UGT2B11: variants seen among roughly 807,000 people sequenced by gnomAD.
UGT2B11 encodes the protein UDP glucuronosyltransferase family 2 member B11, also known as UDP-glucuronosyltransferase 2B11.
A neutral mutation model predicts 51.7 loss-of-function variants in UGT2B11; 49 were observed. The observed-to-expected ratio is 0.95, with a 90% CI of 0.75 to 1.20. The LOEUF (loss-of-function observed/expected upper bound fraction) is 1.20, where lower values mean the gene tolerates loss of function less well. UGT2B11 is among the 50% of genes most tolerant of loss of function. The pLI is 0.00. For missense variants in UGT2B11, 810 were observed against 622.1 expected, an observed-to-expected ratio of 1.30 and a Z score of -3.21; for synonymous variants, 273 against 209.0, an observed-to-expected ratio of 1.31 and a Z score of -2.64.
At chr4:69,210,623 C>G (rs1442012571) in intron 2 of UGT2B11, among the ~76,000 whole-genome samples, 2 of 151,506 alleles carry the variant, frequency 1.3e-5, no homozygotes, top group Non-Finnish European at 3.0e-5. Flanking sequence ...TCTTCCTCCT[C>G]CAATTTGCAC....
intron 2 of UGT2B11, among the ~76,000 whole-genome samples, chr4:69,211,895 T>C (rs1454906264): frequency 6.6e-6 from 1 of 151,598 alleles, no homozygotes; most frequent in Non-Finnish European, 1.5e-5. Context: ...TACTAATATG[T>C]ATCCGGCTCT....
chr4:69,218,059 T>C (rs867717799), upstream of UGT2B11, among the ~76,000 whole-genome samples: 1 of 152,184 alleles, frequency 6.6e-6, no homozygotes, highest in African/African-American at 2.4e-5. Flanking sequence ...CATATTAATC[T>C]TTGGAGCACT....
chr4:69,218,363 A>G (rs1160939760), upstream of UGT2B11, among the ~76,000 whole-genome samples: 1 of 152,134 alleles, frequency 6.6e-6, no homozygotes, highest in Non-Finnish European at 1.5e-5. Context: ...AGACCCTGGA[A>G]TGTGATAATT....
chr4:69,211,836 T>A (rs1256541629), intron 2 of UGT2B11, among the ~76,000 whole-genome samples: 2 of 151,572 alleles, frequency 1.3e-5, no homozygotes, highest in African/African-American at 2.4e-5. Context: ...TATATTTATT[T>A]CTTAACTCTT....
the UGT2B11 span, among the ~76,000 whole-genome samples, chr4:69,221,938 A>G: frequency 0.12 from 15,663 of 126,818 alleles, 1 homozygote; most frequent in Middle Eastern, 0.18. Context: ...CCAATTGCAC[A>G]TGGGTGAGGG....
upstream of UGT2B11, among the ~76,000 whole-genome samples, chr4:69,218,583 C>T (rs1722333443): frequency 6.6e-6 from 1 of 151,804 alleles, no homozygotes; most frequent in South Asian, 2.1e-4. Context: ...TTAAGGCAAA[C>T]TATGAAAGCC....
chr4:69,214,645 C>G lies in UGT2B11; in HGVS notation c.78G>C (p.Val26=). The G allele has an allele frequency of 1.1e-5, 17 of 1,613,160 alleles. No individual in the cohort carries two copies. Among genetic ancestry groups the G allele is most frequent in the Non-Finnish European group, 1.3e-5 (15 of 1,179,350 alleles). The change falls in exon 1 of 6, where the codon GTG becomes GTC. Residue 26 remains valine, a synonymous_variant. Transcript: ENST00000446444. ...CYFSSGSCGK[V]LVWAAEYSHW... ...GGCTGTATTCTGCGGCCCACACCAG[C>G]ACTTTTCCACAACTCCCAGAGCTAA...
upstream of UGT2B11, among the ~76,000 whole-genome samples, chr4:69,218,642 A>ACAC (rs1354537907): frequency 6.6e-6 from 1 of 152,038 alleles, no homozygotes. Context: ...CTTGATTCAG[A>ACAC]CACCGAGAGA....
At position 69,212,635 on chromosome 4, in the gene UGT2B11, A is replaced by G. The variant is rs930346283; in HGVS notation, c.808T>C (p.Phe270Leu). 1 of 1,610,592 alleles carries G rather than the reference A, an allele frequency of 6.2e-7. No individual in the cohort carries two copies. The highest frequency in any genetic ancestry group is 1.3e-5 in the African/African-American group (1 of 74,620). Residue 270 changes from phenylalanine to leucine, a missense_variant, in exon 2 of 6, where the codon TTC becomes CTC. Coordinates refer to ENST00000446444, the MANE Select transcript of UGT2B11 (RefSeq NM_001073.3). ...CCAACAAAATCAACGTTTGGTAAGA[A>G]TGGATGAGGAAATTGAAAACTCCAG... ...NSWSFQFPHP[F>L]LPNVDFVGGF...
At chr4:69,213,103 C>A (rs1722136587) in intron 1 of UGT2B11, among the ~76,000 whole-genome samples, 1 of 151,366 alleles carries the variant, frequency 6.6e-6, no homozygotes. Context: ...CCCATAAAAC[C>A]AATTTTCTAA....
chr4:69,205,432 T>C (rs1577961055), intron 4 of UGT2B11, 48 bp downstream of exon 4: 1 of 1,583,970 alleles, frequency 6.3e-7, no homozygotes. Flanking sequence ...ATTAACCCTC[T>C]AATGTGCAGT....
intron 2 of UGT2B11, among the ~76,000 whole-genome samples, chr4:69,210,606 C>T (rs2109951078): frequency 6.6e-6 from 1 of 151,652 alleles, no homozygotes; most frequent in East Asian, 1.9e-4. Flanking sequence ...TTTTACACCT[C>T]CTACTCTCTT....
At chr4:69,224,567 C>T in the UGT2B11 span, among the ~76,000 whole-genome samples, 2 of 152,056 alleles carry the variant, frequency 1.3e-5, no homozygotes, top group Non-Finnish European at 2.9e-5. Context: ...AAGGACAGGA[C>T]AGAATTGCAA....
the UGT2B11 span, among the ~76,000 whole-genome samples, chr4:69,222,122 C>G: frequency 1.3e-5 from 2 of 152,264 alleles, no homozygotes; most frequent in African/African-American, 4.8e-5. Flanking sequence ...TCACTTTTCC[C>G]TTTTGGCCTG....
chr4:69,216,936 C>T (rs562101362), upstream of UGT2B11, among the ~76,000 whole-genome samples: 1 of 152,000 alleles, frequency 6.6e-6, no homozygotes, highest in Admixed American at 6.6e-5. Context: ...TTAACATTCT[C>T]AAATAGACCG....
At chr4:69,215,189 A>G (rs914397977), upstream of UGT2B11, 1 of 153,332 alleles carries the variant, frequency 6.5e-6, no homozygotes, top group South Asian at 2.0e-4. Context: ...AGTATTTCCT[A>G]GTAAATTCAC....
chr4:69,209,845 T>A (rs1158834644), intron 2 of UGT2B11, among the ~76,000 whole-genome samples: 1 of 151,610 alleles, frequency 6.6e-6, no homozygotes, highest in Non-Finnish European at 1.5e-5. Flanking sequence ...GATTCATCAC[T>A]GATATTGACT....
chr4:69,200,814 C>A, intron 5 of UGT2B11, 95 bp from the exon 6 acceptor site: 2 of 1,304,888 alleles, frequency 1.5e-6, no homozygotes, highest in South Asian at 2.0e-5. Context: ...TCAAATAATT[C>A]AAAATAAATG....
chr4:69,205,940 A>G (rs112131036), intron 3 of UGT2B11, among the ~76,000 whole-genome samples: 5 of 151,664 alleles, frequency 3.3e-5, no homozygotes, highest in East Asian at 2.0e-4. Context: ...TCTCACACCA[A>G]TCAGAATGGC....
Sources: allele counts gnomAD v4.1 joint callset (sites outside exome capture counted in the v4.1 genomes callset), GRCh38; gene constraint gnomAD v4.1.1; transcripts MANE v1.5; gene names NCBI Gene and HGNC (gene_info 2026-07-23, HGNC 2026-07-21).